The following NT5DC1 variants were observed in gnomAD, a reference collection of about 807,000 sequenced individuals.
NT5DC1 encodes the protein 5'-nucleotidase domain containing 1, also known as 5'-nucleotidase domain-containing protein 1.
In NT5DC1, 42 loss-of-function variants were observed where a neutral mutation model predicts 59.4. The observed-to-expected ratio is 0.71, with a 90% CI of 0.55 to 0.92. The LOEUF is 0.92. NT5DC1 is among the 40% of genes least tolerant of loss of function. The pLI, the probability that NT5DC1 is intolerant of heterozygous loss-of-function variation, is 0.00. For missense variants in NT5DC1, 501 were observed against 537.1 expected, an observed-to-expected ratio of 0.93 and a Z score of 0.66; for synonymous variants, 172 against 188.1, an observed-to-expected ratio of 0.91 and a Z score of 0.70.
chr6:116,203,937 C>T (rs1215033208), intron 6 of NT5DC1, among the ~76,000 whole-genome samples: 1 of 151,874 alleles, frequency 6.6e-6, no homozygotes, highest in East Asian at 1.9e-4. Flanking sequence ...TTTTAGAGAA[C>T]ACCAGTAGTT....
At chr6:116,156,838 A>G (rs1026888594) in intron 6 of NT5DC1, among the ~76,000 whole-genome samples, 2 of 152,128 alleles carry the variant, frequency 1.3e-5, no homozygotes, top group Admixed American at 1.3e-4. Flanking sequence ...TCCTCTCCCC[A>G]GGCCACCCCA....
rs200707489 is a variant in NT5DC1 at position 116,168,102 on chromosome 6, TA to T, written c.529+50160del. The stretch of plus-strand genomic sequence containing the variant: ...TGGTGTCTTTTTTTTTTTTTTTTTT[TA>T]AATTCTCCTTGGAGGGCTTCTCAGA... On this transcript the variant is annotated intron_variant, in intron 6 of 11. Coordinates refer to ENST00000319550, the MANE Select transcript of NT5DC1 (RefSeq NM_152729.3). Among the ~76,000 whole-genome samples the T allele has an allele frequency of 4.1e-3, 561 of 136,928 alleles. 4 individuals are homozygous for T. Among genetic ancestry groups the T allele is most frequent in the Non-Finnish European group, 6.6e-3 (416 of 62,910 alleles). 89.8% of individuals were successfully genotyped at this position (136,928 alleles called of 152,430 possible).
chr6:116,101,203 C>T (rs556261402), intron 1 of NT5DC1, among the ~76,000 whole-genome samples, 180 bp downstream of exon 1: 26 of 152,288 alleles, frequency 1.7e-4, no homozygotes, highest in African/African-American at 5.1e-4. Flanking sequence ...CGCTCCGCGC[C>T]GGTGCCGTGG....
intron 6 of NT5DC1, among the ~76,000 whole-genome samples, chr6:116,199,844 T>G (rs1272609990): frequency 6.6e-6 from 1 of 151,988 alleles, no homozygotes; most frequent in South Asian, 2.1e-4. Context: ...GATTAACAAG[T>G]AAATAAATGG....
intron 6 of NT5DC1, among the ~76,000 whole-genome samples, chr6:116,212,191 A>T (rs1781594066): frequency 6.6e-6 from 1 of 152,094 alleles, no homozygotes; most frequent in Non-Finnish European, 1.5e-5. Flanking sequence ...TTGAAACTTT[A>T]GTATGTTCTT....
intron 6 of NT5DC1, chr6:116,120,439 G>A (rs753156670): frequency 6.2e-7 from 1 of 1,614,226 alleles, no homozygotes; most frequent in Non-Finnish European, 8.5e-7. Flanking sequence ...GGTAAGCTTT[G>A]GAGAGAATAA....
At chr6:116,183,478 T>A (rs1780930533) in intron 6 of NT5DC1, among the ~76,000 whole-genome samples, 1 of 151,498 alleles carries the variant, frequency 6.6e-6, no homozygotes. Flanking sequence ...GGTCATTTTT[T>A]AAATATGGAT....
At chr6:116,112,973 A>T (rs1778907989) in intron 4 of NT5DC1, among the ~76,000 whole-genome samples, 1 of 152,228 alleles carries the variant, frequency 6.6e-6, no homozygotes, top group African/African-American at 2.4e-5. Flanking sequence ...GCACTGAGGG[A>T]TGTAGAGATG....
At chr6:116,170,641 G>C (rs956170021) in intron 6 of NT5DC1, among the ~76,000 whole-genome samples, 1 of 152,204 alleles carries the variant, frequency 6.6e-6, no homozygotes, top group Non-Finnish European at 1.5e-5. Flanking sequence ...ATTAAGAACT[G>C]TTTGTGGATA....
intron 4 of NT5DC1, among the ~76,000 whole-genome samples, chr6:116,113,279 C>T (rs530942649): frequency 6.6e-6 from 1 of 152,302 alleles, no homozygotes; most frequent in East Asian, 1.9e-4. Flanking sequence ...GAAGTGAGAA[C>T]CTTTGTTAAC....
chr6:116,188,097 T>C (rs1249571334), intron 6 of NT5DC1, among the ~76,000 whole-genome samples: 1 of 152,026 alleles, frequency 6.6e-6, no homozygotes, highest in African/African-American at 2.4e-5. Flanking sequence ...AAAATGTGCT[T>C]ATGCTTATTA....
chr6:116,194,166 A>G (rs1445063734), intron 6 of NT5DC1, among the ~76,000 whole-genome samples: 1 of 152,132 alleles, frequency 6.6e-6, no homozygotes, highest in Non-Finnish European at 1.5e-5. Context: ...ATGTACAAAA[A>G]ATGTGACATG....
intron 6 of NT5DC1, among the ~76,000 whole-genome samples, chr6:116,173,680 TA>T (rs1780667726): frequency 6.6e-6 from 1 of 152,200 alleles, no homozygotes; most frequent in South Asian, 2.1e-4. Flanking sequence ...TTTATTTATT[TA>T]TTTTTTTGGT....
intron 6 of NT5DC1, among the ~76,000 whole-genome samples, chr6:116,126,925 G>A (rs1356706339): frequency 6.6e-6 from 1 of 152,132 alleles, no homozygotes; most frequent in Non-Finnish European, 1.5e-5. Context: ...AAAGGTGGAA[G>A]TAAACACTAT....
intron 6 of NT5DC1, among the ~76,000 whole-genome samples, chr6:116,145,719 TTG>T (rs1779882579): frequency 6.6e-6 from 1 of 152,238 alleles, no homozygotes; most frequent in Non-Finnish European, 1.5e-5. Flanking sequence ...AAAAAATAGT[TTG>T]TTTCATTTTT....
At chr6:116,135,836 T>G (rs1405836328) in intron 6 of NT5DC1, among the ~76,000 whole-genome samples, 3 of 37,628 alleles carry the variant, frequency 8.0e-5, no homozygotes, top group African/African-American at 1.7e-4. Flanking sequence ...TATTTTCAGA[T>G]ATATATATAT....
chr6:116,126,909 T>C (rs973661168), intron 6 of NT5DC1, among the ~76,000 whole-genome samples: 1 of 152,178 alleles, frequency 6.6e-6, no homozygotes, highest in African/African-American at 2.4e-5. Flanking sequence ...AGAAACACTT[T>C]CCCTCAAAGG....
intron 6 of NT5DC1, among the ~76,000 whole-genome samples, chr6:116,215,781 T>C (rs569059506): frequency 1.3e-5 from 2 of 152,230 alleles, no homozygotes; most frequent in South Asian, 4.1e-4. Flanking sequence ...CAATATGGCG[T>C]GGTGGGATTG....
At chr6:116,129,814 T>C (rs1314089388) in intron 6 of NT5DC1, among the ~76,000 whole-genome samples, 5 of 152,192 alleles carry the variant, frequency 3.3e-5, no homozygotes, top group Non-Finnish European at 7.4e-5. Context: ...ATCTGTCTCA[T>C]GCAATTTCCT....
Sources: gnomAD v4.1 joint callset for allele counts (sites outside exome capture counted in the v4.1 genomes callset) on GRCh38, gnomAD v4.1.1 for gene constraint, MANE v1.5 for transcripts, NCBI Gene and HGNC (gene_info 2026-07-23, HGNC 2026-07-21) for gene names.